Variants in FRYL observed in about 807,000 individuals in gnomAD.
FRYL encodes the protein FRY like transcription coactivator, also known as protein furry homolog-like.
In FRYL, 150 loss-of-function variants were observed where a neutral mutation model predicts 351.2. The ratio of observed to expected loss-of-function variants is 0.43; its 90% CI spans 0.37 to 0.49. The LOEUF (loss-of-function observed/expected upper bound fraction) is 0.49, where lower values mean the gene tolerates loss of function less well. Ranked by LOEUF, FRYL falls within the 20% of genes least tolerant of loss-of-function variation. The pLI is 0.00. For synonymous variants in FRYL, 1,153 were observed against 1,257.1 expected, an observed-to-expected ratio of 0.92 and a Z score of 1.75; for missense variants, 3,036 against 3,619.3, an observed-to-expected ratio of 0.84 and a Z score of 4.13.
intron 1 of FRYL, among the ~76,000 whole-genome samples, chr4:48,711,303 T>G (rs1446546420): frequency 6.6e-6 from 1 of 152,212 alleles, no homozygotes; most frequent in Admixed American, 6.5e-5. Flanking sequence ...GGAGTTCCCT[T>G]TCCTAATCAA....
At chr4:48,762,535 A>G (rs1774521463) in intron 1 of FRYL, among the ~76,000 whole-genome samples, 1 of 152,198 alleles carries the variant, frequency 6.6e-6, no homozygotes, top group Admixed American at 6.5e-5. Context: ...AGGGTATGTG[A>G]CAGATGGCAG....
At chr4:48,505,800 T>A (rs1720784651) in intron 59 of FRYL, 185 bp from the exon 60 acceptor site, 1 of 513,280 alleles carries the variant, frequency 1.9e-6, no homozygotes, top group Middle Eastern at 5.0e-4. Context: ...GGGATAGCAT[T>A]AATGTAACAA....
At chr4:48,702,847 T>A (rs1766920189) in intron 2 of FRYL, among the ~76,000 whole-genome samples, 1 of 151,728 alleles carries the variant, frequency 6.6e-6, no homozygotes, top group Admixed American at 6.6e-5. Context: ...TTTCTCAACA[T>A]AAACTATGAT....
rs747788016 is a variant in FRYL at position 48,619,313 on chromosome 4, G to A, written c.372C>T (p.Asp124=). The A allele has an allele frequency of 1.9e-6, 3 of 1,608,964 alleles. No homozygotes were observed. Among genetic ancestry groups the A allele is most frequent in the South Asian group, 1.1e-5 (1 of 89,520 alleles). ...CAACTAAAACTAAACAAAAAATGAAGTCTACTGCTAAGTCCCTCCTTTCAA... is the reference window on the plus strand; with the variant it reads ...CAACTAAAACTAAACAAAAAATGAAATCTACTGCTAAGTCCCTCCTTTCAA... ...YLLERRDLAV[D]FIFCLVLVEV... Residue 124 remains aspartate (D), a synonymous_variant, in exon 7 of 64, where the codon GAC becomes GAT. Transcript: ENST00000358350.
At chr4:48,585,948 C>A (rs1742008683) in intron 19 of FRYL, among the ~76,000 whole-genome samples, 2 of 152,154 alleles carry the variant, frequency 1.3e-5, no homozygotes, top group South Asian at 4.1e-4. Context: ...TATAATTGGA[C>A]CCATTACAAA....
intron 3 of FRYL, among the ~76,000 whole-genome samples, chr4:48,641,496 C>T (rs1755312717): frequency 6.6e-6 from 1 of 152,070 alleles, no homozygotes; most frequent in Non-Finnish European, 1.5e-5. Context: ...CAATTTGCAG[C>T]CTTTGCCAAT....
chr4:48,528,119 T>C (rs868224100), intron 51 of FRYL, 56 bp downstream of exon 51: 1 of 1,575,290 alleles, frequency 6.3e-7, no homozygotes, highest in East Asian at 2.3e-5. Context: ...TTCATACCTA[T>C]AACAAAACTG....
At chr4:48,743,806 G>C (rs1772379327) in intron 1 of FRYL, among the ~76,000 whole-genome samples, 1 of 152,194 alleles carries the variant, frequency 6.6e-6, no homozygotes. Flanking sequence ...TTTCAGAAGG[G>C]GGAATTCTGC....
intron 55 of FRYL, chr4:48,520,791 A>G (rs1724747831): frequency 2.9e-6 from 1 of 346,716 alleles, no homozygotes; most frequent in Non-Finnish European, 5.2e-6. Context: ...AAGCGTCTGT[A>G]CATTAACCTC....
chr4:48,687,079 CT>C (rs1438168657), intron 2 of FRYL, among the ~76,000 whole-genome samples: 1 of 152,090 alleles, frequency 6.6e-6, no homozygotes, highest in Non-Finnish European at 1.5e-5. Flanking sequence ...AGGACAATCA[CT>C]TTTTCATCTT....
chr4:48,612,677 C>A (rs1204002988), intron 7 of FRYL, among the ~76,000 whole-genome samples: 1 of 152,132 alleles, frequency 6.6e-6, no homozygotes, highest in Non-Finnish European at 1.5e-5. Flanking sequence ...CTCTTGGGTT[C>A]ACGCCATTCT....
intron 3 of FRYL, among the ~76,000 whole-genome samples, chr4:48,641,571 G>C (rs547542948): frequency 6.6e-6 from 1 of 152,002 alleles, no homozygotes; most frequent in African/African-American, 2.4e-5. Context: ...CGACTGGCTC[G>C]TAGGAATTAG....
intron 13 of FRYL, among the ~76,000 whole-genome samples, chr4:48,598,555 G>A (rs1185838888): frequency 2.6e-5 from 4 of 152,146 alleles, no homozygotes; most frequent in Admixed American, 6.6e-5. Flanking sequence ...GCTAGATAAT[G>A]TATGTTAAAC....
At chr4:48,680,917 G>C in intron 3 of FRYL, 1 of 1,107,726 alleles carries the variant, frequency 9.0e-7, no homozygotes, top group Non-Finnish European at 1.1e-6. Flanking sequence ...AAAGAAATAC[G>C]TTTTTACTTT....
At chr4:48,752,994 G>A (rs150978277) in intron 1 of FRYL, among the ~76,000 whole-genome samples, 1 of 152,132 alleles carries the variant, frequency 6.6e-6, no homozygotes, top group African/African-American at 2.4e-5. Flanking sequence ...TTAGGTGGTT[G>A]AGGGGTCGGG....
chr4:48,730,053 C>G (rs1176874107), intron 1 of FRYL, among the ~76,000 whole-genome samples: 1 of 152,036 alleles, frequency 6.6e-6, no homozygotes, highest in Non-Finnish European at 1.5e-5. Context: ...CCTGATGGAG[C>G]TGAAAACCAC....
At chr4:48,630,185 G>A (rs771359199) in intron 4 of FRYL, among the ~76,000 whole-genome samples, 3 of 152,110 alleles carry the variant, frequency 2.0e-5, no homozygotes, top group Non-Finnish European at 4.4e-5. Context: ...TCCATTGACA[G>A]TAATACACAG....
chr4:48,500,279 T>G (rs1246247587), intron 62 of FRYL, 59 bp from the exon 63 acceptor site: 1 of 1,086,222 alleles, frequency 9.2e-7, no homozygotes, highest in African/African-American at 1.6e-5. Context: ...AACATTTAGT[T>G]GGCTACAAGA....
In FRYL at chr4:48,639,773, C is replaced by T. The variant is rs141115615; in HGVS notation, c.-80-5283G>A. Among the ~76,000 whole-genome samples the T allele has an allele frequency of 3.6e-3, 541 of 152,092 alleles. 1 individual carries two copies. Among genetic ancestry groups the T allele is most frequent in the Middle Eastern group, 0.01 (3 of 294 alleles). On this transcript the variant is annotated intron_variant, in intron 3 of 63. Transcript: ENST00000358350. The stretch of plus-strand genomic sequence containing the variant: ...TGCAAAATACATACTTGATATAAGA[C>T]TGGTATACAAAATACATAAAGAACT...
Sources: gnomAD v4.1 joint callset for allele counts (sites outside exome capture counted in the v4.1 genomes callset) on GRCh38, gnomAD v4.1.1 for gene constraint, MANE v1.5 for transcripts, NCBI Gene and HGNC (gene_info 2026-07-23, HGNC 2026-07-21) for gene names.